Variants in UTRN observed in about 807,000 individuals in gnomAD.
UTRN encodes utrophin.
Under a neutral mutation model 463.9 loss-of-function variants are expected in UTRN, and 283 were observed. The ratio of observed to expected loss-of-function variants is 0.61; its 90% CI spans 0.55 to 0.67. The LOEUF (loss-of-function observed/expected upper bound fraction) is 0.67, where lower values mean the gene tolerates loss of function less well. UTRN is among the 30% of genes least tolerant of loss of function. The pLI is 0.00. For synonymous variants in UTRN, 1,442 were observed against 1,431.5 expected (o/e 1.01, Z -0.17); for missense variants, 3,922 against 4,084.3 (o/e 0.96, Z 1.08).
At chr6:144,527,156 A>G (rs1438747226) in intron 41 of UTRN, among the ~76,000 whole-genome samples, 1 of 152,162 alleles carries the variant, frequency 6.6e-6, no homozygotes, top group Non-Finnish European at 1.5e-5. Context: ...TTGTTTCAAG[A>G]CTTAGAGCTC....
intron 51 of UTRN, among the ~76,000 whole-genome samples, chr6:144,622,187 T>G (rs200299788): frequency 1.6e-5 from 2 of 122,814 alleles, no homozygotes; most frequent in Admixed American, 7.8e-5. Context: ...TTTTGTTGTT[T>G]TTTTTTTTTT....
intron 50 of UTRN, among the ~76,000 whole-genome samples, chr6:144,565,735 G>C (rs910044447): frequency 6.6e-6 from 1 of 152,150 alleles, no homozygotes; most frequent in African/African-American, 2.4e-5. Flanking sequence ...CCACAGCTTG[G>C]ACATTCCTGG....
intron 51 of UTRN, among the ~76,000 whole-genome samples, chr6:144,626,882 C>T (rs1775999378): frequency 6.6e-6 from 1 of 152,090 alleles, no homozygotes; most frequent in Non-Finnish European, 1.5e-5. Flanking sequence ...TTGTGATCCA[C>T]CTGGTGTTGT....
At chr6:144,605,675 C>A (rs1286281250) in intron 51 of UTRN, among the ~76,000 whole-genome samples, 1 of 125,620 alleles carries the variant, frequency 8.0e-6, no homozygotes, top group East Asian at 4.5e-4. Context: ...AGTGTGGGTG[C>A]CATTTTTTTT....
At chr6:144,301,466 G>T (rs1484650555) in intron 2 of UTRN, among the ~76,000 whole-genome samples, 2 of 151,800 alleles carry the variant, frequency 1.3e-5, no homozygotes, top group Non-Finnish European at 2.9e-5. Flanking sequence ...CTCAGAGAGG[G>T]GGTCTCTCTG....
rs748796090 is a variant in UTRN at position 144,839,188 on chromosome 6, C to T, written c.10081C>T (p.Arg3361Ter). 3 of 1,613,886 alleles carry T rather than the reference C, an allele frequency of 1.9e-6. No homozygotes were observed. Among genetic ancestry groups the T allele is most frequent in the Non-Finnish European group, 2.5e-6 (3 of 1,179,810 alleles). The change falls in exon 72 of 75, where the codon CGA becomes TGA. Residue 3361 changes from arginine (R) to a stop codon, truncating the protein, a stop_gained. Transcript: ENST00000367545. LOFTEE classifies it high-confidence loss of function. ...QLLEQPESDS[R>*]INGVSPWASP... is the part of the protein sequence containing the mutation. Reference sequence around the variant, plus strand: ...GTGGTTCCAGCCTGAATCTGATTCCCGAATCAATGGTGTTTCCCCATGGGC... The same window carrying T: ...GTGGTTCCAGCCTGAATCTGATTCCTGAATCAATGGTGTTTCCCCATGGGC...
At chr6:144,735,104 G>T (rs1320753552) in intron 54 of UTRN, among the ~76,000 whole-genome samples, 1 of 152,212 alleles carries the variant, frequency 6.6e-6, no homozygotes, top group African/African-American at 2.4e-5. Context: ...GCATGTTCCT[G>T]AGGTTTCAAT....
chr6:144,437,951 G>A (rs1286406210), intron 11 of UTRN, among the ~76,000 whole-genome samples: 1 of 152,200 alleles, frequency 6.6e-6, no homozygotes, highest in East Asian at 1.9e-4. Flanking sequence ...AAAGATAAAA[G>A]TTGGAATACA....
chr6:144,490,002 T>C, intron 30 of UTRN, 69 bp from the exon 31 acceptor site: 1 of 1,563,470 alleles, frequency 6.4e-7, no homozygotes, highest in Non-Finnish European at 8.6e-7. Context: ...ATAGAACTTT[T>C]GTATTGTCTC....
At chr6:144,572,764 A>G (rs1445428134) in intron 50 of UTRN, among the ~76,000 whole-genome samples, 2 of 152,132 alleles carry the variant, frequency 1.3e-5, no homozygotes, top group East Asian at 3.9e-4. Context: ...TCCATGTTGT[A>G]TATGTGCCAC....
chr6:144,643,606 G>T (rs999417911), intron 51 of UTRN, among the ~76,000 whole-genome samples: 7 of 152,032 alleles, frequency 4.6e-5, no homozygotes, highest in African/African-American at 1.4e-4. Flanking sequence ...AGACCAGCCC[G>T]GCCAACATGG....
At chr6:144,524,925 G>A (rs1296746275) in intron 41 of UTRN, among the ~76,000 whole-genome samples, 2 of 152,030 alleles carry the variant, frequency 1.3e-5, no homozygotes, top group African/African-American at 4.8e-5. Flanking sequence ...TTTGTCAGAG[G>A]CTTTTTCTGA....
chr6:144,772,176 G>A (rs529347149), intron 59 of UTRN, among the ~76,000 whole-genome samples: 12 of 151,510 alleles, frequency 7.9e-5, no homozygotes, highest in Admixed American at 7.9e-4. Flanking sequence ...TGGGACTACA[G>A]GCGCCCGCCG....
chr6:144,637,858 GTTC>G (rs139750352), intron 51 of UTRN, among the ~76,000 whole-genome samples: 8,575 of 152,144 alleles, frequency 0.056, 338 homozygotes, highest in Non-Finnish European at 0.081. Flanking sequence ...CTGATTTAAT[GTTC>G]TTCTTTTTCT....
intron 51 of UTRN, among the ~76,000 whole-genome samples, chr6:144,634,941 C>T (rs1776944956): frequency 6.6e-6 from 1 of 152,044 alleles, no homozygotes; most frequent in Non-Finnish European, 1.5e-5. Context: ...TGGGTTGTTT[C>T]CATATTTTGG....
chr6:144,607,632 G>A (rs1283245180), intron 51 of UTRN, among the ~76,000 whole-genome samples: 1 of 152,114 alleles, frequency 6.6e-6, no homozygotes, highest in African/African-American at 2.4e-5. Flanking sequence ...ATCCTGGTGG[G>A]CTTGTACACT....
At chr6:144,550,733 A>G (rs1389984950) in intron 47 of UTRN, among the ~76,000 whole-genome samples, 1 of 152,222 alleles carries the variant, frequency 6.6e-6, no homozygotes, top group African/African-American at 2.4e-5. Flanking sequence ...ACAAAAACAC[A>G]GAGAGGTAAA....
At chr6:144,798,048 G>T in intron 64 of UTRN, 58 bp downstream of exon 64, 2 of 1,607,154 alleles carry the variant, frequency 1.2e-6, no homozygotes, top group South Asian at 1.1e-5. Flanking sequence ...TAATCTCAGT[G>T]GTACGTCCAT....
At chr6:144,764,955 T>C (rs1009317400) in intron 58 of UTRN, among the ~76,000 whole-genome samples, 2 of 149,806 alleles carry the variant, frequency 1.3e-5, no homozygotes, top group Non-Finnish European at 3.0e-5. Flanking sequence ...CATACAAGGC[T>C]CCCCAGGGCC....
Sources: gnomAD v4.1 joint callset for allele counts (sites outside exome capture counted in the v4.1 genomes callset) on GRCh38, gnomAD v4.1.1 for gene constraint, MANE v1.5 for transcripts, NCBI Gene and HGNC (gene_info 2026-07-23, HGNC 2026-07-21) for gene names.